The following ZBTB20 variants were observed in gnomAD, a reference collection of about 807,000 sequenced individuals.
ZBTB20 encodes the protein zinc finger and BTB domain-containing protein 20.
Under a neutral mutation model 56.9 loss-of-function variants are expected in ZBTB20, and 9 were observed. The ratio of observed to expected loss-of-function variants is 0.16; its 90% confidence interval spans 0.10 to 0.28. The LOEUF is 0.28. Among genes scored for constraint, ZBTB20 ranks in the 10% least tolerant of loss-of-function variants. The probability of loss-of-function intolerance (pLI) is 1.00; values close to 1 mark genes in which losing one functional copy is unlikely to be tolerated. For missense variants in ZBTB20, 655 were observed against 1,003.0 expected, an observed-to-expected ratio of 0.65 and a Z score of 4.69; for synonymous variants, 417 against 420.7, an observed-to-expected ratio of 0.99 and a Z score of 0.11.
intron 8 of ZBTB20, among the ~76,000 whole-genome samples, chr3:114,384,100 T>TTC (rs57746371): frequency 0.42 from 58,863 of 138,942 alleles, 13,224 homozygotes; most frequent in East Asian, 0.74. Flanking sequence ...TCAGTTCTCA[T>TTC]TCTCTCTCTC....
At chr3:114,650,940 G>A (rs2060096962) in intron 6 of ZBTB20, among the ~76,000 whole-genome samples, 1 of 151,982 alleles carries the variant, frequency 6.6e-6, no homozygotes, top group South Asian at 2.1e-4. Flanking sequence ...TAAAACTGAG[G>A]TCAAGTTTCT....
intron 7 of ZBTB20, among the ~76,000 whole-genome samples, chr3:114,488,125 C>A (rs567716821): frequency 6.6e-6 from 1 of 152,190 alleles, no homozygotes; most frequent in Admixed American, 6.5e-5. Context: ...ATACTTACCA[C>A]CTCCCAACCC....
chr3:115,140,160 G>A (rs531662194), intron 1 of ZBTB20, among the ~76,000 whole-genome samples: 1 of 152,108 alleles, frequency 6.6e-6, no homozygotes, highest in East Asian at 1.9e-4. Flanking sequence ...CTAAGGTGGA[G>A]ATCCGCATAG....
chr3:114,553,637 A>T (rs1398986647), intron 6 of ZBTB20, among the ~76,000 whole-genome samples: 1 of 152,196 alleles, frequency 6.6e-6, no homozygotes, highest in East Asian at 1.9e-4. Context: ...TGTAGTTTGA[A>T]AATGTGCCAT....
chr3:115,088,694 T>C (rs113334745), intron 1 of ZBTB20, among the ~76,000 whole-genome samples: 2 of 152,006 alleles, frequency 1.3e-5, no homozygotes, highest in African/African-American at 4.8e-5. Context: ...TGTCATTTTA[T>C]ACTATGAGGC....
At chr3:114,980,513 T>A (rs1044964222) in intron 2 of ZBTB20, among the ~76,000 whole-genome samples, 2 of 152,086 alleles carry the variant, frequency 1.3e-5, no homozygotes, top group East Asian at 1.9e-4. Flanking sequence ...AGACTTTTTT[T>A]AAATTTCACA....
chr3:114,609,332 A>G (rs973812801), intron 6 of ZBTB20, among the ~76,000 whole-genome samples: 6 of 152,228 alleles, frequency 3.9e-5, no homozygotes, highest in Non-Finnish European at 7.3e-5. Context: ...GAGATGGAGG[A>G]GCAATGACTA....
intron 5 of ZBTB20, among the ~76,000 whole-genome samples, chr3:114,785,719 GATT>G (rs1222701352): frequency 6.6e-6 from 1 of 152,038 alleles, no homozygotes; most frequent in African/African-American, 2.4e-5. Flanking sequence ...CCACGGTCAA[GATT>G]ATTAACATAT....
intron 3 of ZBTB20, among the ~76,000 whole-genome samples, chr3:114,913,187 T>G (rs528180401): frequency 2.6e-5 from 4 of 152,202 alleles, no homozygotes; most frequent in African/African-American, 9.6e-5. Flanking sequence ...TATACTTATT[T>G]ACATTTCCGC....
chr3:114,489,049 T>C (rs577578443), intron 7 of ZBTB20, among the ~76,000 whole-genome samples: 2 of 152,292 alleles, frequency 1.3e-5, no homozygotes, highest in South Asian at 4.1e-4. Flanking sequence ...AAATATAATA[T>C]TTCCTAAGTT....
intron 2 of ZBTB20, among the ~76,000 whole-genome samples, chr3:114,984,121 T>C (rs2078438515): frequency 6.6e-6 from 1 of 152,012 alleles, no homozygotes; most frequent in African/African-American, 2.4e-5. Context: ...CCAGTCCATC[T>C]ACCAACAACT....
Position 114,338,985 on chromosome 3 carries a change from G to A in ZBTB20, c.*20C>T, listed in dbSNP as rs768351077. The stretch of plus-strand genomic sequence containing the variant: ...TGTTGTTGTTTTGTTTTGTTCATAA[G>A]AAAGAGAGAAAGATACTACTTATCC... On this transcript the variant is annotated 3_prime_UTR_variant, in exon 12 of 12. Coordinates refer to ENST00000675478, the MANE Select transcript of ZBTB20 (RefSeq NM_001348800.3). 1.3e-6 allele frequency: 2 copies of A among 1,486,344 alleles called. No homozygotes were observed. The highest frequency in any genetic ancestry group is 4.6e-5 in the Admixed American group (2 of 43,052). 92.1% of individuals were successfully genotyped at this position (1,486,344 alleles called of 1,614,324 possible). A position where few individuals can be genotyped will look rare whatever the true frequency, so the allele number is the denominator to read the frequency against.
intron 3 of ZBTB20, among the ~76,000 whole-genome samples, chr3:114,927,490 A>G (rs2076201608): frequency 6.6e-6 from 1 of 152,206 alleles, no homozygotes; most frequent in Non-Finnish European, 1.5e-5. Context: ...TAGTTTCACA[A>G]CAGGCATGAG....
intron 5 of ZBTB20, among the ~76,000 whole-genome samples, chr3:114,696,983 G>A (rs1578394222): frequency 1.3e-5 from 2 of 149,702 alleles, no homozygotes; most frequent in African/African-American, 4.9e-5. Flanking sequence ...TCTATAGGAA[G>A]TCTGAATTAA....
At chr3:114,382,858 C>T (rs1949618) in intron 8 of ZBTB20, among the ~76,000 whole-genome samples, 1 of 152,094 alleles carries the variant, frequency 6.6e-6, no homozygotes, top group African/African-American at 2.4e-5. Flanking sequence ...TTTACATATT[C>T]ATTTTACAAA....
At position 114,351,785 on chromosome 3, in the gene ZBTB20, C is replaced by A; in HGVS notation, c.293G>T (p.Arg98Leu). 1 of 1,611,056 alleles carries A rather than the reference C, an allele frequency of 6.2e-7. No individual in the cohort carries two copies. Among genetic ancestry groups the A allele is most frequent in the Non-Finnish European group, 8.5e-7 (1 of 1,177,428 alleles). Reference sequence around the variant, plus strand: ...TACGTCACAGAAGTGGCCACGGTTGCGCTGCTCGTTGAGGGTCTCGAGCAC... The same window carrying A: ...TACGTCACAGAAGTGGCCACGGTTGAGCTGCTCGTTGAGGGTCTCGAGCAC... ...NSVLETLNEQ[R>L]NRGHFCDVTV... Residue 98 changes from arginine (R) to leucine (L), a missense_variant, in exon 11 of 12, where the codon CGC becomes CTC. By Grantham distance (102) the Arg-to-Leu change is moderately radical. Transcript: ENST00000675478.
chr3:114,464,232 T>C (rs1453038862), intron 7 of ZBTB20, among the ~76,000 whole-genome samples: 1 of 152,250 alleles, frequency 6.6e-6, no homozygotes, highest in Non-Finnish European at 1.5e-5. Flanking sequence ...AAATGCATCA[T>C]TATCACTGAG....
At position 114,338,419 on chromosome 3, in the gene ZBTB20, A is replaced by G. The variant is rs1479650152; in HGVS notation, c.*586T>C. The G allele has an allele frequency of 1.3e-5, 2 of 151,862 alleles. No individual in the cohort carries two copies. The highest frequency in any genetic ancestry group is 4.8e-5 in the African/African-American group (2 of 41,316). 9.4% of individuals were successfully genotyped at this position (151,862 alleles called of 1,614,324 possible). A position where few individuals can be genotyped will look rare whatever the true frequency, so the allele number is the denominator to read the frequency against. ...CACCACCGAACCCACTGCCCTTCCC[A>G]CCCCCACAGCCCTTTTATGAAATCA... On this transcript the variant is annotated 3_prime_UTR_variant, in exon 12 of 12. Transcript: ENST00000675478.
chr3:114,917,508 G>A (rs970715601), intron 3 of ZBTB20, among the ~76,000 whole-genome samples: 1 of 152,122 alleles, frequency 6.6e-6, no homozygotes, highest in Non-Finnish European at 1.5e-5. Flanking sequence ...CCTTCTTGGG[G>A]AAGCATTCTA....
Sources: gnomAD v4.1 joint callset for allele counts (sites outside exome capture counted in the v4.1 genomes callset) on GRCh38, gnomAD v4.1.1 for gene constraint, MANE v1.5 for transcripts, NCBI Gene and HGNC (gene_info 2026-07-23, HGNC 2026-07-21) for gene names.